Variants in HMCN1 observed in about 807,000 individuals in gnomAD.
HMCN1 encodes hemicentin-1.
Under a neutral mutation model 625.9 loss-of-function variants are expected in HMCN1, and 321 were observed. The observed-to-expected ratio is 0.51, with a 90% CI of 0.47 to 0.56. HMCN1 has a LOEUF of 0.56. HMCN1 is among the 20% of genes least tolerant of loss of function. The probability of loss-of-function intolerance (pLI) is 0.00; values close to 1 mark genes in which losing one functional copy is unlikely to be tolerated. For missense variants in HMCN1, 6,588 were observed against 6,887.3 expected (o/e 0.96, Z 1.54); for synonymous variants, 2,425 against 2,417.6 (o/e 1.00, Z -0.09).
Position 186,190,866 on chromosome 1 carries a change from T to G in HMCN1, c.*988T>G, listed in dbSNP as rs532617561. 5.3e-6 allele frequency: 1 copy of G among 187,340 alleles called. No homozygotes were observed. Among genetic ancestry groups the G allele is most frequent in the South Asian group, 1.9e-4 (1 of 5,146 alleles). The allele number at this position is 187,340 out of a possible 1,614,324, so 11.6% of individuals were successfully genotyped here. ...GTGCATTTTCTATATAATATCTTGA[T>G]GGACTCTTTTATAAAATTATTTTAT... On this transcript the variant is annotated 3_prime_UTR_variant, in exon 107 of 107. Transcript: ENST00000271588.
chr1:185,895,944 T>TA (rs1011345401), intron 4 of HMCN1, among the ~76,000 whole-genome samples: 1 of 149,416 alleles, frequency 6.7e-6, no homozygotes, highest in Non-Finnish European at 1.5e-5. Context: ...ATTTAATAAT[T>TA]TTTTTTTTTT....
rs1205045054 is a variant in HMCN1, at chr1:185,837,551, ATATT to A, written c.269-8469_269-8466del. Among the ~76,000 whole-genome samples, 5 of 152,020 alleles carry A rather than the reference ATATT, an allele frequency of 3.3e-5. No homozygotes were observed. The South Asian group carries it at 8.3e-4, about 25-fold the overall frequency. ...ATTTTAATTTTTATTTATTTTTGCT[ATATT>A]TATTTCTGTCAGTATTTTCCTTTGT... On this transcript the variant is annotated intron_variant, in intron 1 of 106. Transcript: ENST00000271588.
intron 44 of HMCN1, among the ~76,000 whole-genome samples, chr1:186,054,241 G>T (rs1050106150): frequency 1.3e-5 from 2 of 151,880 alleles, no homozygotes; most frequent in African/African-American, 4.8e-5. Context: ...AATTTTGTTG[G>T]GGACAGATAG....
intron 1 of HMCN1, among the ~76,000 whole-genome samples, chr1:185,756,478 TA>T (rs549588321): frequency 0.06 from 7,540 of 126,334 alleles, 500 homozygotes; most frequent in African/African-American, 0.19. Context: ...GACCTCAGGG[TA>T]AAAAAAAAAA....
chr1:185,898,748 G>T (rs1170667916), intron 4 of HMCN1, among the ~76,000 whole-genome samples: 3 of 152,076 alleles, frequency 2.0e-5, no homozygotes, highest in African/African-American at 7.2e-5. Context: ...TAGAGATTTT[G>T]TAGAACCTAA....
chr1:185,871,335 T>C (rs941136897), intron 4 of HMCN1, among the ~76,000 whole-genome samples: 1 of 151,632 alleles, frequency 6.6e-6, no homozygotes, highest in African/African-American at 2.4e-5. Flanking sequence ...GCACAAGCAG[T>C]ATTGTGTGGT....
intron 58 of HMCN1, 138 bp from the exon 59 acceptor site, chr1:186,087,079 T>TTTTA (rs1659543050): frequency 1.5e-6 from 1 of 678,410 alleles, no homozygotes. Context: ...GATCCAATTA[T>TTTTA]TTTATTTTAA....
At chr1:185,977,207 A>C (rs1651277108) in intron 15 of HMCN1, among the ~76,000 whole-genome samples, 1 of 152,056 alleles carries the variant, frequency 6.6e-6, no homozygotes, top group African/African-American at 2.4e-5. Context: ...TGTTACTTTG[A>C]TTCGTATTAT....
At chr1:185,904,843 A>T (rs1558054737) in intron 4 of HMCN1, among the ~76,000 whole-genome samples, 1 of 151,534 alleles carries the variant, frequency 6.6e-6, no homozygotes, top group African/African-American at 2.4e-5. Flanking sequence ...ATTTTACACA[A>T]TTTTTTTTCT....
chr1:185,993,067 G>T (rs1652540346), intron 22 of HMCN1, 115 bp from the exon 23 acceptor site: 1 of 979,232 alleles, frequency 1.0e-6, no homozygotes, highest in Non-Finnish European at 1.6e-6. Flanking sequence ...TTGCAGATGG[G>T]AAAATGGTTT....
intron 78 of HMCN1, 73 bp downstream of exon 78, chr1:186,119,371 G>A: frequency 1.9e-6 from 2 of 1,079,842 alleles, no homozygotes; most frequent in South Asian, 1.2e-5. Context: ...TATTCTGAAA[G>A]GTGGTAGGTA....
intron 1 of HMCN1, among the ~76,000 whole-genome samples, chr1:185,746,864 C>A (rs747535662): frequency 2.6e-5 from 4 of 152,078 alleles, no homozygotes; most frequent in Non-Finnish European, 5.9e-5. Context: ...ACCTCAGCCG[C>A]CCAAAGTGTT....
chr1:186,006,924 TC>T (rs1653674758), intron 29 of HMCN1, among the ~76,000 whole-genome samples: 1 of 152,018 alleles, frequency 6.6e-6, no homozygotes, highest in African/African-American at 2.4e-5. Flanking sequence ...GAACTTTTCA[TC>T]TCAAAGAGAT....
intron 73 of HMCN1, among the ~76,000 whole-genome samples, 157 bp from the exon 74 acceptor site, chr1:186,114,662 A>G (rs1489138088): frequency 6.6e-6 from 1 of 152,184 alleles, no homozygotes; most frequent in East Asian, 1.9e-4. Context: ...TTTGCATCGT[A>G]GCCTTTTCTT....
At chr1:185,954,745 C>G (rs1410422103) in intron 11 of HMCN1, among the ~76,000 whole-genome samples, 1 of 152,156 alleles carries the variant, frequency 6.6e-6, no homozygotes, top group Non-Finnish European at 1.5e-5. Flanking sequence ...CACTTAGGAT[C>G]TCTTTTCAGT....
At chr1:185,796,972 CAT>C (rs1468305317) in intron 1 of HMCN1, among the ~76,000 whole-genome samples, 5 of 152,132 alleles carry the variant, frequency 3.3e-5, no homozygotes, top group African/African-American at 4.8e-5. Context: ...GTAGTGTATA[CAT>C]GTTTCCTTTT....
At chr1:186,094,885 A>G (rs1285386634) in intron 67 of HMCN1, among the ~76,000 whole-genome samples, 1 of 152,166 alleles carries the variant, frequency 6.6e-6, no homozygotes, top group African/African-American at 2.4e-5. Flanking sequence ...CTTACCCTAT[A>G]ACTTGATATT....
chr1:186,097,885 G>A (rs1474037584), intron 68 of HMCN1, among the ~76,000 whole-genome samples: 1 of 152,094 alleles, frequency 6.6e-6, no homozygotes, highest in Non-Finnish European at 1.5e-5. Context: ...AAGGAGCTCA[G>A]AAATAAATTC....
chr1:185,821,877 T>C (rs1660202508), intron 1 of HMCN1, among the ~76,000 whole-genome samples: 1 of 148,858 alleles, frequency 6.7e-6, no homozygotes, highest in African/African-American at 2.5e-5. Flanking sequence ...ACCTGTTGAT[T>C]GCTTTGCTTT....
Sources: gnomAD v4.1 joint callset for allele counts (sites outside exome capture counted in the v4.1 genomes callset) on GRCh38, gnomAD v4.1.1 for gene constraint, MANE v1.5 for transcripts, NCBI Gene and HGNC (gene_info 2026-07-23, HGNC 2026-07-21) for gene names.